The following SLC18A2 variants were observed in gnomAD, a reference collection of about 807,000 sequenced individuals.
SLC18A2 encodes the protein synaptic vesicular amine transporter.
Under a neutral mutation model 59.2 loss-of-function variants are expected in SLC18A2, and 33 were observed. The observed-to-expected ratio is 0.56, with a 90% confidence interval of 0.42 to 0.75. The LOEUF is 0.75. SLC18A2 is among the 30% of genes least tolerant of loss of function. SLC18A2 has a pLI of 0.00. For synonymous variants in SLC18A2, 228 were observed against 253.5 expected (o/e 0.90, Z 0.95); for missense variants, 569 against 668.6 (o/e 0.85, Z 1.64).
intron 12 of SLC18A2, chr10:117,267,270 C>T: frequency 1.9e-6 from 1 of 535,054 alleles, no homozygotes; most frequent in Admixed American, 3.7e-5. Flanking sequence ...TTTAACTTTT[C>T]CCCTGCATCA....
At chr10:117,267,521 G>A (rs944985639) in intron 12 of SLC18A2, 152 bp from the exon 13 acceptor site, 14 of 532,198 alleles carry the variant, frequency 2.6e-5, no homozygotes, top group African/African-American at 7.5e-5. Flanking sequence ...TGGAGGGTCC[G>A]GTTCTTCACA....
In SLC18A2 at chr10:117,271,732, A is replaced by C. The variant is rs1248681024; in HGVS notation, c.1440+1269A>C. Among the ~76,000 whole-genome samples the C allele has an allele frequency of 5.3e-5, 8 of 152,168 alleles. 1 individual carries two copies. In the East Asian group the frequency reaches 5.8e-4, roughly 11 times the overall value. Reference sequence around the variant, plus strand: ...CCTTCTCAGACCTCTCTTAGGAGACATCTGCTTTCCAGCTTGGGTGTGTAA... The same window carrying C: ...CCTTCTCAGACCTCTCTTAGGAGACCTCTGCTTTCCAGCTTGGGTGTGTAA... On this transcript the variant is annotated intron_variant, in intron 15 of 15. Transcript: ENST00000644641.
chr10:117,269,210 TACAC>T lies in SLC18A2; in HGVS notation c.1187-855_1187-852del, dbSNP rs549020759. Among the ~76,000 whole-genome samples the T allele has an allele frequency of 0.018, 1,881 of 101,816 alleles. 15 individuals carry two copies. The highest frequency in any genetic ancestry group is 0.022 in the Non-Finnish European group (959 of 42,670). 66.8% of individuals were successfully genotyped at this position (101,816 alleles called of 152,430 possible). A position where few individuals can be genotyped will look rare whatever the true frequency, so the allele number is the denominator to read the frequency against. ...ACACACACACCTACACACATACACA[TACAC>T]ACACATACACAAATACAAGTACATA... On this transcript the variant is annotated intron_variant, in intron 13 of 15. Transcript: ENST00000644641. The surrounding 1 kb of genome is among the most constrained non-coding windows in gnomAD (Gnocchi z 5.1).
At chr10:117,268,826 A>ATGTGTGTG (rs144528427) in intron 13 of SLC18A2, among the ~76,000 whole-genome samples, 1 of 150,808 alleles carries the variant, frequency 6.6e-6, no homozygotes, top group Non-Finnish European at 1.5e-5. Context: ...ATGTATGTTT[A>ATGTGTGTG]TGTGTGTGTG....
chr10:117,252,313 G>A (rs1844172720), intron 3 of SLC18A2, among the ~76,000 whole-genome samples: 1 of 151,824 alleles, frequency 6.6e-6, no homozygotes, highest in Non-Finnish European at 1.5e-5. Context: ...AGCCTGGAAT[G>A]GAAGAACCCT....
intron 15 of SLC18A2, among the ~76,000 whole-genome samples, chr10:117,275,656 A>C (rs1844479814): frequency 6.6e-6 from 1 of 151,906 alleles, no homozygotes; most frequent in African/African-American, 2.4e-5. Flanking sequence ...CTGTTTTCTC[A>C]CCTCCCACAG....
At chr10:117,261,754 GC>G (rs1190889991) in intron 10 of SLC18A2, among the ~76,000 whole-genome samples, 2 of 152,300 alleles carry the variant, frequency 1.3e-5, no homozygotes, top group East Asian at 3.9e-4. Flanking sequence ...GTCCCAAATG[GC>G]CGGGGGAGAG....
rs1242082074 is a variant in SLC18A2 at position 117,269,098 on chromosome 10, C to A, written c.1187-973C>A. Among the ~76,000 whole-genome samples, 1 of 151,480 alleles carries A rather than the reference C, an allele frequency of 6.6e-6. No individual in the cohort carries two copies. Among genetic ancestry groups the A allele is most frequent in the African/African-American group, 2.4e-5 (1 of 41,118 alleles). Reference sequence around the variant, plus strand: ...ACACAAATATACATACACACATATGCATACATACATACACGTAGATACACA... The same window carrying A: ...ACACAAATATACATACACACATATGAATACATACATACACGTAGATACACA... On this transcript the variant is annotated intron_variant, in intron 13 of 15. Transcript: ENST00000644641. This position sits in a 1 kb window ranked among gnomAD's most constrained non-coding sequence, Gnocchi z 5.1.
rs1169964165 is a variant in SLC18A2, at chr10:117,277,581, A to AT, written c.*321dup. On this transcript the variant is annotated 3_prime_UTR_variant, in exon 16 of 16. Transcript: ENST00000644641. ...AATATTTGAATCCAAACCAAATATA[A>AT]TTTTTTAACTTACATTAACAAACAT... 6.1e-6 allele frequency: 1 copy of AT among 163,438 alleles called. No individual in the cohort carries two copies. The highest frequency in any genetic ancestry group is 2.0e-4 in the South Asian group (1 of 4,998). The allele number at this position is 163,438 out of a possible 1,614,324, so 10.1% of individuals were successfully genotyped here. A position where few individuals can be genotyped will look rare whatever the true frequency, so the allele number is the denominator to read the frequency against.
At chr10:117,258,328 A>G (rs569879848) in intron 10 of SLC18A2, among the ~76,000 whole-genome samples, 135 of 152,332 alleles carry the variant, frequency 8.9e-4, no homozygotes, top group African/African-American at 2.8e-3. Context: ...ACATTTTTAA[A>G]TTTCATGCTC....
Position 117,254,274 on chromosome 10 carries a change from G to A in SLC18A2, c.608-131G>A, listed in dbSNP as rs919680225. 2.6e-6 allele frequency: 3 copies of A among 1,153,748 alleles called. No individual in the cohort carries two copies. The African/African-American group carries it at 4.6e-5, about 18-fold the overall frequency. 71.5% of individuals were successfully genotyped at this position (1,153,748 alleles called of 1,614,324 possible). A position where few individuals can be genotyped will look rare whatever the true frequency, so the allele number is the denominator to read the frequency against. ...CCCACTTTCCTCTTGGGTTCTGCTT[G>A]GTCTTACATTTTAGTGAATCTGACA... On this transcript the variant is annotated intron_variant, in intron 5 of 15. Coordinates refer to ENST00000644641, the MANE Select transcript of SLC18A2 (RefSeq NM_003054.6).
At position 117,279,272 on chromosome 10, in the gene SLC18A2, T is replaced by C. The variant is rs895895472; in HGVS notation, c.*2006T>C. ...CCAGAACAAAGAACATACAGCTCTC[T>C]GAACATTTATTTTTTGAACAGAGGT... On this transcript the variant is annotated 3_prime_UTR_variant, in exon 16 of 16. Transcript: ENST00000644641. The C allele has an allele frequency of 6.6e-6, 1 of 152,238 alleles. No individual in the cohort carries two copies. The highest frequency in any genetic ancestry group is 2.4e-5 in the African/African-American group (1 of 41,460). The allele number at this position is 152,238 out of a possible 1,614,324, so 9.4% of individuals were successfully genotyped here. A position where few individuals can be genotyped will look rare whatever the true frequency, so the allele number is the denominator to read the frequency against.
At chr10:117,261,628 C>A (rs1203371801) in intron 10 of SLC18A2, among the ~76,000 whole-genome samples, 5 of 152,162 alleles carry the variant, frequency 3.3e-5, no homozygotes, top group African/African-American at 1.2e-4. Flanking sequence ...AGAAGCTGCC[C>A]CCTGGCTTAG....
At position 117,255,409 on chromosome 10, in the gene SLC18A2, G is replaced by A. The variant is rs201674020; in HGVS notation, c.790+43G>A. On this transcript the variant is annotated intron_variant, in intron 7 of 15. Coordinates refer to ENST00000644641, the MANE Select transcript of SLC18A2 (RefSeq NM_003054.6). ...GGCGCCATGCCATGACCTTGGCATC[G>A]TGCTGGCACGCGCTTGGGCCACACC... is the stretch of plus-strand genomic sequence containing the variant. 190 of 1,613,878 alleles carry A rather than the reference G, an allele frequency of 1.2e-4. 2 individuals are homozygous for A. In the South Asian group the frequency reaches 1.7e-3, roughly 14 times the overall value.
At chr10:117,268,704 G>T (rs1393841440) in intron 13 of SLC18A2, 2 of 152,466 alleles carry the variant, frequency 1.3e-5, no homozygotes, top group Non-Finnish European at 2.9e-5. Context: ...TGGGCCACAC[G>T]CTTAGACTAT....
At position 117,255,269 on chromosome 10, in the gene SLC18A2, C is replaced by T. The variant is rs759549425; in HGVS notation, c.701-8C>T. 9 of 1,613,928 alleles carry T rather than the reference C, an allele frequency of 5.6e-6. No homozygotes were observed. Among genetic ancestry groups the T allele is most frequent in the East Asian group, 2.2e-5 (1 of 44,862 alleles). Reference sequence around the variant, plus strand: ...CAGGGGTGGTGTCCCCACTTTCTCTCCCTGCAGTGGGCCCCCCCTTCGGGA... The same window carrying T: ...CAGGGGTGGTGTCCCCACTTTCTCTTCCTGCAGTGGGCCCCCCCTTCGGGA... On this transcript the variant is annotated splice_polypyrimidine_tract_variant and splice_region_variant and intron_variant, in intron 6 of 15. Transcript: ENST00000644641.
intron 9 of SLC18A2, among the ~76,000 whole-genome samples, 164 bp from the exon 10 acceptor site, chr10:117,257,633 G>A (rs1056305100): frequency 6.6e-6 from 1 of 152,206 alleles, no homozygotes; most frequent in African/African-American, 2.4e-5. Flanking sequence ...TGATGATGAT[G>A]ATTATGATAA....
intron 6 of SLC18A2, among the ~76,000 whole-genome samples, chr10:117,254,890 A>G (rs1171207674): frequency 1.3e-5 from 2 of 152,142 alleles, no homozygotes; most frequent in Non-Finnish European, 2.9e-5. Context: ...CCTGAGAGGG[A>G]TTCAAAACCT....
intron 3 of SLC18A2, among the ~76,000 whole-genome samples, chr10:117,252,134 ATTT>A (rs57101171): frequency 4.7e-4 from 21 of 44,344 alleles, no homozygotes; most frequent in African/African-American, 1.3e-3. Flanking sequence ...CATTTTTTGT[ATTT>A]TTTTTTTTTT....
Sources: gnomAD v4.1 joint callset for allele counts (sites outside exome capture counted in the v4.1 genomes callset) on GRCh38, gnomAD v4.1.1 for gene constraint, Gnocchi (gnomAD v3.1) non-coding constraint, MANE v1.5 for transcripts, NCBI Gene and HGNC (gene_info 2026-07-23, HGNC 2026-07-21) for gene names.